GRIN2B: variants seen among roughly 807,000 people sequenced by gnomAD.
The protein encoded by GRIN2B is glutamate ionotropic receptor NMDA type subunit 2B, also known as glutamate receptor ionotropic, NMDA 2B.
Under a neutral mutation model 114.5 loss-of-function variants are expected in GRIN2B, and 5 were observed. That is an observed-to-expected ratio of 0.04 (90% CI 0.02 to 0.09). GRIN2B has a LOEUF of 0.09. GRIN2B is among the 10% of genes least tolerant of loss of function. The pLI is 1.00. For synonymous variants in GRIN2B, 787 were observed against 745.1 expected (o/e 1.06, Z -0.92); for missense variants, 1,108 against 1,943.5 (o/e 0.57, Z 8.08).
chr12:13,772,108 T>C (rs1036023897), intron 3 of GRIN2B, among the ~76,000 whole-genome samples: 1 of 152,216 alleles, frequency 6.6e-6, no homozygotes, highest in African/African-American at 2.4e-5. Flanking sequence ...CAACAACCCA[T>C]TGAGGATACT....
chr12:13,723,890 G>A (rs1057483195), intron 4 of GRIN2B, among the ~76,000 whole-genome samples: 1 of 151,640 alleles, frequency 6.6e-6, no homozygotes, highest in African/African-American at 2.4e-5. Flanking sequence ...CGATCCAGAG[G>A]AAAAAAACTA....
chr12:13,922,865 G>A (rs1015058791), intron 2 of GRIN2B, among the ~76,000 whole-genome samples: 1 of 152,188 alleles, frequency 6.6e-6, no homozygotes, highest in Non-Finnish European at 1.5e-5. Flanking sequence ...AGATGGGCAA[G>A]TGACCTATGC....
chr12:13,585,915 C>T (rs975853167), intron 10 of GRIN2B, among the ~76,000 whole-genome samples: 1 of 152,206 alleles, frequency 6.6e-6, no homozygotes, highest in South Asian at 2.1e-4. Context: ...CAGCAAGATA[C>T]GGCAGACATT....
At chr12:13,779,183 A>G (rs952243066) in intron 3 of GRIN2B, among the ~76,000 whole-genome samples, 17 of 152,192 alleles carry the variant, frequency 1.1e-4, no homozygotes, top group African/African-American at 4.1e-4. Flanking sequence ...AGCTGGGATT[A>G]CAGGTGTGCA....
intron 5 of GRIN2B, among the ~76,000 whole-genome samples, chr12:13,657,278 G>T (rs1265014336): frequency 6.6e-6 from 1 of 152,204 alleles, no homozygotes; most frequent in Non-Finnish European, 1.5e-5. Flanking sequence ...GATATTCCAA[G>T]AATCAGCTTT....
At chr12:13,868,682 GCTCT>G (rs1394393307) in intron 2 of GRIN2B, among the ~76,000 whole-genome samples, 1 of 152,080 alleles carries the variant, frequency 6.6e-6, no homozygotes, top group East Asian at 1.9e-4. Flanking sequence ...TGTTTTATTT[GCTCT>G]CTCTAAAGTA....
At chr12:13,672,837 C>T (rs1668806853) in intron 5 of GRIN2B, among the ~76,000 whole-genome samples, 1 of 152,148 alleles carries the variant, frequency 6.6e-6, no homozygotes, top group African/African-American at 2.4e-5. Flanking sequence ...TCAATCTACA[C>T]AAATATTTTC....
At chr12:13,666,473 C>T (rs1949976798) in intron 5 of GRIN2B, among the ~76,000 whole-genome samples, 1 of 152,152 alleles carries the variant, frequency 6.6e-6, no homozygotes, top group Non-Finnish European at 1.5e-5. Context: ...ATAACCCTAA[C>T]AGAGAAAATT....
At chr12:13,634,896 T>C (rs1453542606) in intron 5 of GRIN2B, among the ~76,000 whole-genome samples, 1 of 152,212 alleles carries the variant, frequency 6.6e-6, no homozygotes, top group African/African-American at 2.4e-5. Context: ...AGAGTTTTAC[T>C]GAAGACTGGG....
Position 13,547,982 on chromosome 12 carries a change from T to TATATATA in GRIN2B, c.*14800_*14801insTATATAT, listed in dbSNP as rs1555098069. 5.9e-4 allele frequency: 22 copies of TATATATA among 37,116 alleles called. No homozygotes were observed. The highest frequency in any genetic ancestry group is 1.4e-3 in the African/African-American group (22 of 15,202). 2.3% of individuals were successfully genotyped at this position (37,116 alleles called of 1,614,324 possible). A position where few individuals can be genotyped will look rare whatever the true frequency, so the allele number is the denominator to read the frequency against. ...GTGTATATATATATATATATATATA[T>TATATATA]TTTTTTTTTTTTTCTGAAAGCTACA... On this transcript the variant is annotated 3_prime_UTR_variant, in exon 14 of 14. Transcript: ENST00000609686.
intron 10 of GRIN2B, among the ~76,000 whole-genome samples, chr12:13,582,877 G>A (rs920921112): frequency 2.6e-5 from 4 of 152,096 alleles, no homozygotes; most frequent in Non-Finnish European, 5.9e-5. Context: ...TCCTCGCAAC[G>A]ATGGTTTTAA....
In GRIN2B at chr12:13,562,948, C is replaced by T. The variant is rs1029997173; in HGVS notation, c.4290G>A (p.Val1430=). The change falls in exon 14 of 14, where the codon GTG becomes GTA. Residue 1430 remains valine (V), a synonymous_variant. Coordinates refer to ENST00000609686, the MANE Select transcript of GRIN2B (RefSeq NM_000834.5). ...GCACGGCCCCATGAAGGGCCGAGAC[C>T]ACCGGCTTGTTGGTGACAAGGGCCC... ...DFRALVTNKP[V]VSALHGAVPA... 6.2e-7 allele frequency: 1 copy of T among 1,614,180 alleles called. No individual in the cohort carries two copies. Among genetic ancestry groups the T allele is most frequent in the Non-Finnish European group, 8.5e-7 (1 of 1,180,024 alleles).
intron 3 of GRIN2B, among the ~76,000 whole-genome samples, chr12:13,810,902 C>T (rs1283423336): frequency 6.6e-6 from 1 of 152,176 alleles, no homozygotes; most frequent in Non-Finnish European, 1.5e-5. Context: ...CCTTCCAATA[C>T]CCCTAATACA....
At chr12:13,595,853 T>A (rs570667855) in intron 10 of GRIN2B, among the ~76,000 whole-genome samples, 3 of 152,294 alleles carry the variant, frequency 2.0e-5, no homozygotes, top group African/African-American at 7.2e-5. Context: ...ATTAATTTGG[T>A]GTGCTTTTAA....
chr12:13,948,091 G>A (rs910498798), intron 2 of GRIN2B, among the ~76,000 whole-genome samples: 1 of 152,096 alleles, frequency 6.6e-6, no homozygotes, highest in Non-Finnish European at 1.5e-5. Flanking sequence ...AGTGCCATTG[G>A]GGAAGGATAA....
In GRIN2B at chr12:13,753,258, C is replaced by T; in HGVS notation, c.1010+59G>A. 1 of 1,017,338 alleles carries T rather than the reference C, an allele frequency of 9.8e-7. No individual in the cohort carries two copies. Among genetic ancestry groups the T allele is most frequent in the South Asian group, 1.3e-5 (1 of 79,198 alleles). 63.0% of individuals were successfully genotyped at this position (1,017,338 alleles called of 1,614,324 possible). A position where few individuals can be genotyped will look rare whatever the true frequency, so the allele number is the denominator to read the frequency against. ...CCTGCAGTTTCTGAACTTCCAACCC[C>T]AGTCTTTGAAGCTCCCCTCTCATCT... On this transcript the variant is annotated intron_variant, in intron 4 of 13. Coordinates refer to ENST00000609686, the MANE Select transcript of GRIN2B (RefSeq NM_000834.5). The surrounding 1 kb of genome is among the most constrained non-coding windows in gnomAD (Gnocchi z 6.2).
rs1226596355 is a variant in GRIN2B, at chr12:13,549,973, A to T, written c.*12810T>A. 6.6e-6 allele frequency: 1 copy of T among 152,192 alleles called. No individual in the cohort carries two copies. The highest frequency in any genetic ancestry group is 1.5e-5 in the Non-Finnish European group (1 of 68,030). The allele number at this position is 152,192 out of a possible 1,614,324, so 9.4% of individuals were successfully genotyped here. ...GATGCTGAAAACCTACAGTGGGGGC[A>T]GACAATTCAGGCAGCATTACTCGCT... On this transcript the variant is annotated 3_prime_UTR_variant, in exon 14 of 14. Coordinates refer to ENST00000609686, the MANE Select transcript of GRIN2B (RefSeq NM_000834.5).
In GRIN2B at chr12:13,753,882, A is replaced by G. The variant is rs973727159; in HGVS notation, c.445T>C (p.Ser149Pro). ...ATTACGGAAGCTTGCTGTTCAATTG[A>G]TGGGCCAAACTGGAAGAACATGGAG... ...ESSMFFQFGP[S>P]IEQQASVMLN... Residue 149 changes from serine to proline, a missense_variant, in exon 4 of 14, where the codon TCA (serine) becomes CCA (proline). Coordinates refer to ENST00000609686, the MANE Select transcript of GRIN2B (RefSeq NM_000834.5). This position sits in a 1 kb window ranked among gnomAD's most constrained non-coding sequence, Gnocchi z 6.2. The G allele has an allele frequency of 6.2e-7, 1 of 1,612,830 alleles. No homozygotes were observed. Among genetic ancestry groups the G allele is most frequent in the African/African-American group, 1.3e-5 (1 of 74,908 alleles).
At chr12:13,609,918 T>C (rs541583958) in intron 9 of GRIN2B, 4 of 152,376 alleles carry the variant, frequency 2.6e-5, no homozygotes, top group African/African-American at 9.6e-5. Flanking sequence ...TGCTTGGGCT[T>C]CTGCCCATGT....
Sources: allele counts gnomAD v4.1 joint callset (sites outside exome capture counted in the v4.1 genomes callset), GRCh38; gene constraint gnomAD v4.1.1; non-coding constraint Gnocchi (gnomAD v3.1); transcripts MANE v1.5; gene names NCBI Gene and HGNC (gene_info 2026-07-23, HGNC 2026-07-21).